The following KIAA0319 variants were observed in gnomAD, a reference collection of about 807,000 sequenced individuals.
The protein encoded by KIAA0319 is dyslexia-associated protein KIAA0319.
In KIAA0319, 83 loss-of-function variants were observed where a neutral mutation model predicts 108.4. That is an observed-to-expected ratio of 0.77 (90% CI 0.64 to 0.92). The LOEUF (loss-of-function observed/expected upper bound fraction) is 0.92, where lower values mean the gene tolerates loss of function less well. Ranked by LOEUF, KIAA0319 falls within the 40% of genes least tolerant of loss-of-function variation. The pLI is 0.00. For missense variants in KIAA0319, 1,195 were observed against 1,322.4 expected, an observed-to-expected ratio of 0.90 and a Z score of 1.49; for synonymous variants, 484 against 510.4, an observed-to-expected ratio of 0.95 and a Z score of 0.70.
intron 1 of KIAA0319, among the ~76,000 whole-genome samples, chr6:24,605,301 T>A (rs746883512): frequency 2.0e-5 from 3 of 152,252 alleles, no homozygotes; most frequent in Non-Finnish European, 2.9e-5. Flanking sequence ...TCAGTCTTTA[T>A]ACTCAAGACC....
At chr6:24,564,175 G>T in intron 15 of KIAA0319, 27 bp downstream of exon 15, 3 of 1,613,814 alleles carry the variant, frequency 1.9e-6, no homozygotes, top group Non-Finnish European at 2.5e-6. Context: ...GAGCCTGCAT[G>T]GCCAGCTCCA....
chr6:24,631,196 T>C (rs2127587212), intron 1 of KIAA0319, among the ~76,000 whole-genome samples: 1 of 152,382 alleles, frequency 6.6e-6, no homozygotes, highest in South Asian at 2.1e-4. Flanking sequence ...TCCTCTTTTA[T>C]GATTCCTCTT....
intron 17 of KIAA0319, among the ~76,000 whole-genome samples, chr6:24,558,381 ATAGATAG>A (rs2127432492): frequency 6.6e-6 from 1 of 150,934 alleles, no homozygotes; most frequent in East Asian, 1.9e-4. Flanking sequence ...AGATAGATAG[ATAGATAG>A]ATAGATAGAT....
chr6:24,609,492 G>A (rs1386404711), intron 1 of KIAA0319, among the ~76,000 whole-genome samples: 1 of 151,300 alleles, frequency 6.6e-6, no homozygotes, highest in African/African-American at 2.4e-5. Flanking sequence ...CAGAAGAATT[G>A]CTTGAACCCG....
chr6:24,556,887 C>T (rs1291893733), intron 17 of KIAA0319, among the ~76,000 whole-genome samples, 158 bp from the exon 18 acceptor site: 1 of 152,168 alleles, frequency 6.6e-6, no homozygotes, highest in Non-Finnish European at 1.5e-5. Context: ...GATAGTCTCT[C>T]ATCACTGACA....
rs893714381 is a variant in KIAA0319 at position 24,594,633 on chromosome 6, A to C, written c.801+1240T>G. 1.7e-3 allele frequency among the ~76,000 whole-genome samples: 78 copies of C among 46,372 alleles called. 1 individual carries two copies. Among genetic ancestry groups the C allele is most frequent in the Non-Finnish European group, 1.2e-3 (20 of 17,068 alleles). 30.4% of individuals were successfully genotyped at this position (46,372 alleles called of 152,430 possible). ...CAGAGCAAGACTCTGTCTCACAAAA[A>C]AAAAACAACAAAAAAAAAAAACACT... On this transcript the variant is annotated intron_variant, in intron 3 of 20. Transcript: ENST00000378214.
chr6:24,569,879 T>C, intron 12 of KIAA0319, 24 bp downstream of exon 12: 1 of 1,613,106 alleles, frequency 6.2e-7, no homozygotes, highest in Non-Finnish European at 8.5e-7. Context: ...GGCATGAACC[T>C]AGCTCAGTGG....
rs147603757 is a variant in KIAA0319 at position 24,634,647 on chromosome 6, A to G, written c.-106+11089T>C. Among the ~76,000 whole-genome samples the G allele has an allele frequency of 2.0e-4, 30 of 152,360 alleles. No homozygotes were observed. The East Asian group carries it at 5.6e-3, about 28-fold the overall frequency. Reference sequence around the variant, plus strand: ...AGATAGCAAAAGGGATTTTGCAGATATAATTAAGGTTACTAAACAGTTGGC... The same window carrying G: ...AGATAGCAAAAGGGATTTTGCAGATGTAATTAAGGTTACTAAACAGTTGGC... On this transcript the variant is annotated intron_variant, in intron 1 of 20. Coordinates refer to ENST00000378214, the MANE Select transcript of KIAA0319 (RefSeq NM_014809.4).
At chr6:24,586,426 G>A (rs1211162228) in intron 4 of KIAA0319, among the ~76,000 whole-genome samples, 2 of 152,188 alleles carry the variant, frequency 1.3e-5, no homozygotes, top group Admixed American at 1.3e-4. Flanking sequence ...ATCTCCATTT[G>A]TAAGGGTCTC....
intron 14 of KIAA0319, among the ~76,000 whole-genome samples, chr6:24,564,915 T>C (rs1256860500): frequency 6.6e-6 from 1 of 152,146 alleles, no homozygotes; most frequent in African/African-American, 2.4e-5. Flanking sequence ...TAATCCCCCA[T>C]CTAGTTGAAT....
intron 19 of KIAA0319, among the ~76,000 whole-genome samples, chr6:24,553,465 T>G (rs887016612): frequency 6.6e-6 from 1 of 151,840 alleles, no homozygotes; most frequent in East Asian, 1.9e-4. Flanking sequence ...TCTCTCTCTC[T>G]GACCTTCTCC....
chr6:24,594,569 G>A (rs1215761107), intron 3 of KIAA0319, among the ~76,000 whole-genome samples: 4 of 150,984 alleles, frequency 2.6e-5, no homozygotes, highest in African/African-American at 7.3e-5. Context: ...AGAGGTTGCA[G>A]TAAGCCGAGA....
intron 3 of KIAA0319, among the ~76,000 whole-genome samples, chr6:24,595,583 T>G (rs1294250038): frequency 2.7e-5 from 4 of 147,160 alleles, no homozygotes; most frequent in Middle Eastern, 3.7e-3. Flanking sequence ...CTACAGGCAT[T>G]TCTAGGGAGA....
At chr6:24,614,281 C>T (rs1384442183) in intron 1 of KIAA0319, among the ~76,000 whole-genome samples, 3 of 152,070 alleles carry the variant, frequency 2.0e-5, no homozygotes, top group South Asian at 4.2e-4. Flanking sequence ...CTTCGCCTCC[C>T]GGTCTTCTTT....
chr6:24,563,603 A>C, intron 15 of KIAA0319, 85 bp from the exon 16 acceptor site: 4 of 1,261,966 alleles, frequency 3.2e-6, no homozygotes, highest in Non-Finnish European at 4.3e-6. Context: ...ATAGGAGCTC[A>C]AAGTTACTCC....
chr6:24,617,222 A>G (rs1052131089), intron 1 of KIAA0319, among the ~76,000 whole-genome samples: 1 of 152,190 alleles, frequency 6.6e-6, no homozygotes, highest in Non-Finnish European at 1.5e-5. Flanking sequence ...CAATATTAGG[A>G]TATGATTAAA....
chr6:24,602,017 TTTC>T (rs1379597655), intron 1 of KIAA0319, among the ~76,000 whole-genome samples: 8 of 151,992 alleles, frequency 5.3e-5, no homozygotes, highest in African/African-American at 1.4e-4. Context: ...CACTACTGTA[TTTC>T]TTTTTTTTTT....
At chr6:24,633,153 T>C (rs1443100668) in intron 1 of KIAA0319, among the ~76,000 whole-genome samples, 4 of 152,166 alleles carry the variant, frequency 2.6e-5, no homozygotes, top group Admixed American at 1.3e-4. Context: ...AAAATCAGCA[T>C]TGCAGTAACA....
intron 1 of KIAA0319, among the ~76,000 whole-genome samples, chr6:24,629,258 G>A (rs1011022508): frequency 1.3e-5 from 2 of 152,120 alleles, no homozygotes; most frequent in African/African-American, 4.8e-5. Flanking sequence ...GCTCACGCCT[G>A]TAACCCCAGC....
Sources: gnomAD v4.1 joint callset for allele counts (sites outside exome capture counted in the v4.1 genomes callset) on GRCh38, gnomAD v4.1.1 for gene constraint, MANE v1.5 for transcripts, NCBI Gene and HGNC (gene_info 2026-07-23, HGNC 2026-07-21) for gene names.